CBFA2T2: variants seen among roughly 807,000 people sequenced by gnomAD.
CBFA2T2 encodes CBFA2/RUNX1 partner transcriptional co-repressor 2.
In CBFA2T2, 11 loss-of-function variants were observed where a neutral mutation model predicts 62.2. The ratio of observed to expected loss-of-function variants is 0.18; its 90% CI spans 0.11 to 0.29. The LOEUF (loss-of-function observed/expected upper bound fraction) is 0.29. CBFA2T2 is among the 10% of genes least tolerant of loss of function. CBFA2T2 has a pLI of 1.00. For missense variants in CBFA2T2, 592 were observed against 774.1 expected (o/e 0.76, Z 2.79); for synonymous variants, 295 against 287.5 (o/e 1.03, Z -0.27).
chr20:33,490,115 A>C lies in CBFA2T2; in HGVS notation c.-153A>C. 2.8e-6 allele frequency: 2 copies of C among 711,844 alleles called. No homozygotes were observed. Among genetic ancestry groups the C allele is most frequent in the Non-Finnish European group, 3.7e-6 (2 of 544,928 alleles). The allele number at this position is 711,844 out of a possible 1,614,324, so 44.1% of individuals were successfully genotyped here. A position where few individuals can be genotyped will look rare whatever the true frequency, so the allele number is the denominator to read the frequency against. On this transcript the variant is annotated 5_prime_UTR_variant, in exon 1 of 11. Transcript: ENST00000342704. The stretch of plus-strand genomic sequence containing the variant: ...GGCGGCGGCGGCGGCGGCGACGGCG[A>C]CAGCAGCGGTGGTGGTGTCTGGTTA...
intron 1 of CBFA2T2, among the ~76,000 whole-genome samples, chr20:33,495,416 G>A (rs1188603079): frequency 4.3e-5 from 6 of 140,990 alleles, no homozygotes; most frequent in Non-Finnish European, 7.6e-5. Context: ...GGCCGGGCAC[G>A]ATGGCTCATC....
rs149995160 is a variant in CBFA2T2, at chr20:33,513,157, C to T, written c.34+22856C>T. On this transcript the variant is annotated intron_variant, in intron 1 of 10. Coordinates refer to ENST00000342704, the MANE Select transcript of CBFA2T2 (RefSeq NM_001032999.3). ...TAGATGCTGCTGCTGTCAAAGTTTT[C>T]CAGAGTTGTTCTATCAGCCAATGCT... 4.9e-4 allele frequency among the ~76,000 whole-genome samples: 75 copies of T among 152,294 alleles called. No homozygotes were observed. In the East Asian group the frequency reaches 0.014, roughly 29 times the overall value.
At chr20:33,508,254 C>T (rs1420649178) in intron 1 of CBFA2T2, among the ~76,000 whole-genome samples, 3 of 152,180 alleles carry the variant, frequency 2.0e-5, no homozygotes, top group South Asian at 4.1e-4. Flanking sequence ...GCCACCACAC[C>T]TGGCTAATTT....
chr20:33,627,305 G>C (rs1167732582), intron 6 of CBFA2T2, among the ~76,000 whole-genome samples: 3 of 152,106 alleles, frequency 2.0e-5, no homozygotes, highest in African/African-American at 7.2e-5. Context: ...GCTGAGGCAG[G>C]AGTAGGGCGT....
At chr20:33,583,929 T>A (rs2014237595) in intron 1 of CBFA2T2, among the ~76,000 whole-genome samples, 1 of 151,612 alleles carries the variant, frequency 6.6e-6, no homozygotes. Flanking sequence ...TTTATTTATT[T>A]ATTTGTTTGT....
intron 8 of CBFA2T2, among the ~76,000 whole-genome samples, 185 bp from the exon 9 acceptor site, chr20:33,636,455 G>A (rs780410536): frequency 8.5e-5 from 13 of 152,112 alleles, no homozygotes; most frequent in Non-Finnish European, 1.6e-4. Flanking sequence ...ATGGGGGTGT[G>A]TGTTTTAAAA....
At chr20:33,526,881 C>T (rs1439984599) in intron 1 of CBFA2T2, among the ~76,000 whole-genome samples, 1 of 152,168 alleles carries the variant, frequency 6.6e-6, no homozygotes, top group African/African-American at 2.4e-5. Context: ...TCTTACTCAC[C>T]TGGCTTGCAT....
chr20:33,558,710 C>G (rs2012990902), intron 1 of CBFA2T2, among the ~76,000 whole-genome samples: 1 of 151,852 alleles, frequency 6.6e-6, no homozygotes, highest in South Asian at 2.1e-4. Context: ...AATTGGTGAT[C>G]ATTAGATTCA....
intron 8 of CBFA2T2, among the ~76,000 whole-genome samples, chr20:33,630,801 C>T (rs1040673956): frequency 6.6e-6 from 1 of 152,154 alleles, no homozygotes; most frequent in African/African-American, 2.4e-5. Flanking sequence ...CCATTGAAGG[C>T]AGCTATTAGT....
intron 1 of CBFA2T2, among the ~76,000 whole-genome samples, chr20:33,492,099 C>T (rs1329356990): frequency 6.6e-5 from 10 of 152,140 alleles, no homozygotes; most frequent in Admixed American, 3.9e-4. Context: ...CCAGGCTGGT[C>T]GTGAACTCCT....
chr20:33,581,494 G>GTGTGTGTC (rs1420532600), intron 1 of CBFA2T2, among the ~76,000 whole-genome samples: 1 of 152,098 alleles, frequency 6.6e-6, no homozygotes, highest in East Asian at 1.9e-4. Context: ...GTGTGTGTGT[G>GTGTGTGTC]TGTGTGTCTG....
At chr20:33,597,993 A>G (rs1203725762) in intron 1 of CBFA2T2, among the ~76,000 whole-genome samples, 1 of 152,146 alleles carries the variant, frequency 6.6e-6, no homozygotes, top group Non-Finnish European at 1.5e-5. Flanking sequence ...ATGATGCCCC[A>G]CAAGCCGCAA....
intron 1 of CBFA2T2, among the ~76,000 whole-genome samples, chr20:33,600,991 G>A (rs2015109217): frequency 6.6e-6 from 1 of 151,254 alleles, no homozygotes; most frequent in Non-Finnish European, 1.5e-5. Context: ...AGAATTCCAG[G>A]ACATATTGTG....
intron 1 of CBFA2T2, among the ~76,000 whole-genome samples, chr20:33,512,945 G>A (rs1038963825): frequency 6.6e-6 from 1 of 151,924 alleles, no homozygotes; most frequent in Non-Finnish European, 1.5e-5. Flanking sequence ...GTAGAGACAG[G>A]GTTTCACTGC....
chr20:33,640,132 G>C (rs921371411), intron 9 of CBFA2T2, among the ~76,000 whole-genome samples: 9 of 152,068 alleles, frequency 5.9e-5, no homozygotes, highest in Admixed American at 3.9e-4. Flanking sequence ...AGTCACTTGC[G>C]TCCACAGCCC....
intron 1 of CBFA2T2, among the ~76,000 whole-genome samples, chr20:33,520,910 G>GCACACA (rs138966628): frequency 6.7e-6 from 1 of 148,864 alleles, no homozygotes; most frequent in East Asian, 1.9e-4. Context: ...ACACGCACGC[G>GCACACA]CACACACACA....
chr20:33,624,058 G>T, intron 5 of CBFA2T2: 1 of 535,394 alleles, frequency 1.9e-6, no homozygotes, highest in Non-Finnish European at 3.3e-6. Flanking sequence ...GAGAAGTTTT[G>T]AAAAAGTATA....
chr20:33,603,605 T>G (rs1326526132), intron 1 of CBFA2T2, among the ~76,000 whole-genome samples: 1 of 152,204 alleles, frequency 6.6e-6, no homozygotes, highest in Admixed American at 6.5e-5. Flanking sequence ...TGGACCCTTA[T>G]GACAAAACCA....
intron 1 of CBFA2T2, among the ~76,000 whole-genome samples, chr20:33,597,753 A>T (rs567117073): frequency 6.6e-6 from 1 of 152,308 alleles, no homozygotes; most frequent in Admixed American, 6.5e-5. Flanking sequence ...CGGTAGGTAC[A>T]TGGCCTCCCA....
Sources: gnomAD v4.1 joint callset for allele counts (sites outside exome capture counted in the v4.1 genomes callset) on GRCh38, gnomAD v4.1.1 for gene constraint, MANE v1.5 for transcripts, NCBI Gene and HGNC (gene_info 2026-07-23, HGNC 2026-07-21) for gene names.